The following GRIK2 variants were observed in gnomAD, a reference collection of about 807,000 sequenced individuals.
The protein encoded by GRIK2 is glutamate ionotropic receptor kainate type subunit 2.
GRIK2 carries 32 observed loss-of-function variants against 100.3 expected under a neutral mutation model. That is an observed-to-expected ratio of 0.32 (90% CI 0.24 to 0.43). GRIK2 has a LOEUF of 0.43. Among genes scored for constraint, GRIK2 ranks in the 20% least tolerant of loss-of-function variants. The pLI is 1.00. For missense variants in GRIK2, 843 were observed against 1,114.9 expected (o/e 0.76, Z 3.47); for synonymous variants, 417 against 389.4 (o/e 1.07, Z -0.83).
intron 7 of GRIK2, among the ~76,000 whole-genome samples, chr6:101,778,653 A>G (rs1233617828): frequency 2.0e-5 from 3 of 152,298 alleles, no homozygotes; most frequent in South Asian, 2.1e-4. Context: ...AACATTTTTG[A>G]TGGATTTTTG....
intron 4 of GRIK2, among the ~76,000 whole-genome samples, chr6:101,632,719 G>A (rs1367952812): frequency 1.3e-5 from 2 of 152,106 alleles, no homozygotes; most frequent in South Asian, 4.2e-4. Flanking sequence ...CTTAGGCAGA[G>A]GGGACAAGAA....
At chr6:101,528,701 C>T (rs1775275130) in intron 2 of GRIK2, among the ~76,000 whole-genome samples, 1 of 152,074 alleles carries the variant, frequency 6.6e-6, no homozygotes. Context: ...ACAGAGATCA[C>T]ACATAAAACA....
chr6:101,686,233 A>G lies in GRIK2; in HGVS notation c.831A>G (p.Thr277=), dbSNP rs1771688950. 6.2e-7 allele frequency: 1 copy of G among 1,612,638 alleles called. No homozygotes were observed. The highest frequency in any genetic ancestry group is 1.1e-5 in the South Asian group (1 of 91,046). The part of the protein sequence containing the change: ...EPYRYSGVNM[T]GFRILNTENT... ...ACCGATACAGTGGTGTTAACATGAC[A>G]GGGTTCAGAATATTAAATACAGAAA... The change falls in exon 7 of 17, where the codon ACA becomes ACG. Residue 277 remains threonine, a synonymous_variant. Transcript: ENST00000369134.
chr6:101,651,326 TTTCA>T (rs751012215), intron 4 of GRIK2, among the ~76,000 whole-genome samples: 4 of 152,238 alleles, frequency 2.6e-5, no homozygotes, highest in African/African-American at 9.6e-5. Context: ...TTAAAGACCA[TTTCA>T]TTCATTCATT....
chr6:101,771,551 A>C (rs1778407063), intron 7 of GRIK2, among the ~76,000 whole-genome samples: 1 of 151,314 alleles, frequency 6.6e-6, no homozygotes, highest in Non-Finnish European at 1.5e-5. Context: ...TTATTATTAT[A>C]CTTTAAGTTT....
At chr6:101,475,189 C>T (rs768353967) in intron 2 of GRIK2, among the ~76,000 whole-genome samples, 7 of 151,876 alleles carry the variant, frequency 4.6e-5, no homozygotes, top group Non-Finnish European at 1.0e-4. Context: ...GAAACTGACA[C>T]ACGTTTAGAG....
chr6:101,461,478 A>G (rs774200697), intron 2 of GRIK2, among the ~76,000 whole-genome samples: 5 of 152,112 alleles, frequency 3.3e-5, no homozygotes, highest in South Asian at 2.1e-4. Flanking sequence ...CACTTCCTCT[A>G]TCTTCAAAAC....
At chr6:101,784,120 G>C (rs1489142711) in intron 7 of GRIK2, among the ~76,000 whole-genome samples, 1 of 152,168 alleles carries the variant, frequency 6.6e-6, no homozygotes, top group African/African-American at 2.4e-5. Flanking sequence ...AGAAAATGGG[G>C]AAAATGTCTC....
chr6:101,446,682 A>G (rs1314128379), intron 2 of GRIK2, among the ~76,000 whole-genome samples: 6 of 151,766 alleles, frequency 4.0e-5, no homozygotes, highest in African/African-American at 1.4e-4. Flanking sequence ...GAATAACTTC[A>G]AACTATTCTT....
intron 2 of GRIK2, among the ~76,000 whole-genome samples, chr6:101,445,575 G>A (rs1277758346): frequency 1.3e-5 from 2 of 151,996 alleles, no homozygotes; most frequent in Admixed American, 6.6e-5. Context: ...AGAATCTATT[G>A]TCCCTTTGAT....
At chr6:101,912,790 T>A (rs1788835056) in intron 12 of GRIK2, among the ~76,000 whole-genome samples, 1 of 151,614 alleles carries the variant, frequency 6.6e-6, no homozygotes, top group East Asian at 1.9e-4. Context: ...CTCTTTATTT[T>A]TTAAAGGAAA....
chr6:101,725,956 G>A lies in GRIK2; in HGVS notation c.951+39603G>A, dbSNP rs532683373. Among the ~76,000 whole-genome samples the A allele has an allele frequency of 3.1e-3, 465 of 151,850 alleles. 3 individuals carry two copies. The highest frequency in any genetic ancestry group is 0.011 in the African/African-American group (449 of 41,460). ...ATGATGATTGCATAAAGTTTTCATT[G>A]AGATTAGTTTATAACAATTTTTTTC... On this transcript the variant is annotated intron_variant, in intron 7 of 16. Coordinates refer to ENST00000369134, the MANE Select transcript of GRIK2 (RefSeq NM_021956.5).
intron 2 of GRIK2, among the ~76,000 whole-genome samples, chr6:101,590,577 G>A (rs915454344): frequency 2.0e-5 from 3 of 151,958 alleles, no homozygotes; most frequent in African/African-American, 7.2e-5. Context: ...AGTGAACATT[G>A]TAGGCAACCT....
chr6:101,903,436 C>G (rs1788012170), intron 12 of GRIK2, among the ~76,000 whole-genome samples: 1 of 151,750 alleles, frequency 6.6e-6, no homozygotes, highest in Admixed American at 6.6e-5. Context: ...ATCAGAATGC[C>G]TGTCTCTAAG....
intron 2 of GRIK2, among the ~76,000 whole-genome samples, chr6:101,616,371 T>C (rs952568569): frequency 1.1e-4 from 16 of 151,760 alleles, no homozygotes; most frequent in Non-Finnish European, 7.4e-5. Context: ...AATCAGAAAG[T>C]CAAAATTAAT....
chr6:102,026,975 G>C (rs1269722456), intron 14 of GRIK2, among the ~76,000 whole-genome samples: 1 of 151,204 alleles, frequency 6.6e-6, no homozygotes, highest in Non-Finnish European at 1.5e-5. Flanking sequence ...ATAGGGCTCA[G>C]CTGTTCTTAC....
chr6:101,508,529 T>G (rs1249170563), intron 2 of GRIK2, among the ~76,000 whole-genome samples: 1 of 152,182 alleles, frequency 6.6e-6, no homozygotes, highest in Non-Finnish European at 1.5e-5. Context: ...AATTTCTCTT[T>G]GCTTTATTTC....
chr6:101,401,721 G>A (rs886247632), intron 2 of GRIK2, among the ~76,000 whole-genome samples: 4 of 152,208 alleles, frequency 2.6e-5, no homozygotes, highest in African/African-American at 9.6e-5. Flanking sequence ...GAGTGGATTG[G>A]ATGGTTGGTT....
chr6:101,451,195 T>C (rs1770657919), intron 2 of GRIK2, among the ~76,000 whole-genome samples: 1 of 151,736 alleles, frequency 6.6e-6, no homozygotes, highest in South Asian at 2.1e-4. Flanking sequence ...CGTCATTCCA[T>C]AGCCTCCTTG....
Sources: allele counts gnomAD v4.1 joint callset (sites outside exome capture counted in the v4.1 genomes callset), GRCh38; gene constraint gnomAD v4.1.1; transcripts MANE v1.5; gene names NCBI Gene and HGNC (gene_info 2026-07-23, HGNC 2026-07-21).